Variants in KRAS observed in about 807,000 individuals in gnomAD.
KRAS encodes GTPase KRas.
KRAS carries 1 observed loss-of-function variant against 21.0 expected under a neutral mutation model. The ratio of observed to expected loss-of-function variants is 0.05; its 90% CI spans 0.02 to 0.23. KRAS has a LOEUF of 0.23. Ranked by LOEUF, KRAS falls within the 10% of genes least tolerant of loss-of-function variation. KRAS has a pLI of 1.00. For missense variants in KRAS, 107 were observed against 221.8 expected (o/e 0.48, Z 3.29); for synonymous variants, 67 against 72.5 (o/e 0.92, Z 0.39).
At chr12:25,225,286 T>TTATTTATATATATA (rs1486092988) in intron 4 of KRAS, 8 of 10,618 alleles carry the variant, frequency 7.5e-4, no homozygotes, top group East Asian at 8.3e-3. Flanking sequence ...GCCCTGTTCT[T>TTATTTATATATATA]TATATATATA....
In KRAS at chr12:25,207,790, T is replaced by A. The variant is rs1951154826; in HGVS notation, c.*2005A>T. On this transcript the variant is annotated 3_prime_UTR_variant, in exon 5 of 5. Coordinates refer to ENST00000311936, the MANE Select transcript of KRAS (RefSeq NM_004985.5). ...CACCACCTGAAAATTAGTGATTAGG[T>A]CAAATCCCTTTATGGTATCTGTCAG... The A allele has an allele frequency of 4.3e-6, 1 of 233,082 alleles. No individual in the cohort carries two copies. The highest frequency in any genetic ancestry group is 2.2e-5 in the African/African-American group (1 of 45,440). The allele number at this position is 233,082 out of a possible 1,614,324, so 14.4% of individuals were successfully genotyped here. A position where few individuals can be genotyped will look rare whatever the true frequency, so the allele number is the denominator to read the frequency against.
intron 2 of KRAS, among the ~76,000 whole-genome samples, chr12:25,239,370 A>G (rs1448692376): frequency 6.6e-6 from 1 of 152,094 alleles, no homozygotes; most frequent in Non-Finnish European, 1.5e-5. Flanking sequence ...TTTTTTCCCA[A>G]ATGTTTGCCT....
In KRAS at chr12:25,244,807, C is replaced by T. The variant is rs141885103; in HGVS notation, c.111+467G>A. Among the ~76,000 whole-genome samples, 248 of 151,836 alleles carry T rather than the reference C, an allele frequency of 1.6e-3. 1 individual carries two copies. Among genetic ancestry groups the T allele is most frequent in the African/African-American group, 5.6e-3 (233 of 41,398 alleles). The stretch of plus-strand genomic sequence containing the variant: ...AATAATTCATTTTGTAAAATTTATC[C>T]GGTAGTTGTAGGTTCTCTAATGTTG... On this transcript the variant is annotated intron_variant, in intron 2 of 4. Transcript: ENST00000311936.
chr12:25,217,422 C>T lies in KRAS; in HGVS notation c.451-7511G>A, dbSNP rs61762438. 1.2e-3 allele frequency among the ~76,000 whole-genome samples: 190 copies of T among 152,164 alleles called. 2 individuals are homozygous for T. Among genetic ancestry groups the T allele is most frequent in the African/African-American group, 4.4e-3 (184 of 41,488 alleles). On this transcript the variant is annotated intron_variant, in intron 4 of 4. Transcript: ENST00000311936. The stretch of plus-strand genomic sequence containing the variant: ...AGTTCAAAGGCAGGCATTTAAGTAA[C>T]GTGATTATATGTTAAAATGCGTATC...
At chr12:25,228,348 C>G (rs964416230) in intron 2 of KRAS, among the ~76,000 whole-genome samples, 3 of 151,308 alleles carry the variant, frequency 2.0e-5, no homozygotes, top group African/African-American at 7.3e-5. Context: ...GGATGCTGAA[C>G]CAGTTAAGTA....
chr12:25,224,935 A>G (rs1199223956), intron 4 of KRAS, among the ~76,000 whole-genome samples: 1 of 152,126 alleles, frequency 6.6e-6, no homozygotes, highest in African/African-American at 2.4e-5. Flanking sequence ...TTCATTTCCT[A>G]TATGTTAAAC....
chr12:25,245,209 G>A (rs1951662399), intron 2 of KRAS, 65 bp downstream of exon 2: 2 of 1,505,952 alleles, frequency 1.3e-6, no homozygotes, highest in Non-Finnish European at 1.8e-6. Context: ...AATGGTCAGA[G>A]AAACCTTTAT....
intron 2 of KRAS, among the ~76,000 whole-genome samples, chr12:25,243,760 G>A (rs898057451): frequency 3.3e-4 from 50 of 152,124 alleles, no homozygotes; most frequent in African/African-American, 1.2e-3. Context: ...AGTAGAGTCT[G>A]CCAAGTAACC....
At chr12:25,216,990 T>C (rs1441280874) in intron 4 of KRAS, among the ~76,000 whole-genome samples, 1 of 152,232 alleles carries the variant, frequency 6.6e-6, no homozygotes, top group Non-Finnish European at 1.5e-5. Flanking sequence ...TCTATTCTTT[T>C]ATCTTAAAAT....
At chr12:25,246,131 G>C (rs1372412537) in intron 1 of KRAS, among the ~76,000 whole-genome samples, 2 of 121,948 alleles carry the variant, frequency 1.6e-5, no homozygotes, top group Non-Finnish European at 3.2e-5. Flanking sequence ...CCTGGCGATA[G>C]AGCAAGACTC....
chr12:25,238,377 T>C (rs1405615206), intron 2 of KRAS, among the ~76,000 whole-genome samples: 2 of 152,230 alleles, frequency 1.3e-5, no homozygotes, highest in Non-Finnish European at 2.9e-5. Flanking sequence ...GTGGATCCAA[T>C]CTTAATGCCA....
In KRAS at chr12:25,243,462, G is replaced by A. The variant is rs181568877; in HGVS notation, c.111+1812C>T. ...AGTTTATAAACTTTTTCAGCCTTCC[G>A]CCCAAATAAAGGCTTAACTGTTAGC... is the stretch of plus-strand genomic sequence containing the variant. On this transcript the variant is annotated intron_variant, in intron 2 of 4. Coordinates refer to ENST00000311936, the MANE Select transcript of KRAS (RefSeq NM_004985.5). 1.2e-4 allele frequency among the ~76,000 whole-genome samples: 18 copies of A among 152,184 alleles called. No individual in the cohort carries two copies. In the East Asian group the frequency reaches 1.3e-3, roughly 11 times the overall value.
At chr12:25,215,331 T>G (rs1951241789) in intron 4 of KRAS, 2 of 1,480,246 alleles carry the variant, frequency 1.4e-6, no homozygotes, top group Non-Finnish European at 1.8e-6. Context: ...TTTTAATACT[T>G]CAAGTTAGAA....
At chr12:25,227,696 T>A (rs1371588603) in intron 2 of KRAS, among the ~76,000 whole-genome samples, 1 of 151,722 alleles carries the variant, frequency 6.6e-6, no homozygotes, top group African/African-American at 2.4e-5. Flanking sequence ...ACTCAAAAAA[T>A]GGAAAATAAG....
chr12:25,232,714 G>A (rs1235617084), intron 2 of KRAS, among the ~76,000 whole-genome samples: 1 of 151,968 alleles, frequency 6.6e-6, no homozygotes, highest in African/African-American at 2.4e-5. Flanking sequence ...ATTAAATGAA[G>A]GAAAGTTATT....
chr12:25,241,067 T>C (rs1951603801), intron 2 of KRAS, among the ~76,000 whole-genome samples: 1 of 152,192 alleles, frequency 6.6e-6, no homozygotes, highest in African/African-American at 2.4e-5. Flanking sequence ...CTGCTGCCTT[T>C]TAGTCCCTTC....
At chr12:25,249,523 C>CGGAG (rs1391059167) in intron 1 of KRAS, among the ~76,000 whole-genome samples, 1 of 133,690 alleles carries the variant, frequency 7.5e-6, no homozygotes, top group Non-Finnish European at 1.5e-5. Flanking sequence ...ACCCAGGAGG[C>CGGAG]GGAGGTTTCA....
At chr12:25,250,374 G>T (rs753946875) in intron 1 of KRAS, among the ~76,000 whole-genome samples, 5 of 151,966 alleles carry the variant, frequency 3.3e-5, no homozygotes, top group African/African-American at 4.8e-5. Context: ...GGCGCCGCGG[G>T]AGTAACCTCC....
chr12:25,241,627 T>C (rs1266754204), intron 2 of KRAS, among the ~76,000 whole-genome samples: 2 of 152,200 alleles, frequency 1.3e-5, no homozygotes, highest in African/African-American at 4.8e-5. Context: ...AAGGTTTGGA[T>C]CTTAACACCA....
Sources: gnomAD v4.1 joint callset for allele counts (sites outside exome capture counted in the v4.1 genomes callset) on GRCh38, gnomAD v4.1.1 for gene constraint, MANE v1.5 for transcripts, NCBI Gene and HGNC (gene_info 2026-07-23, HGNC 2026-07-21) for gene names.